BABAM2: variants seen among roughly 807,000 people sequenced by gnomAD.
The protein encoded by BABAM2 is BRISC and BRCA1-A complex member 2.
BABAM2 carries 31 observed loss-of-function variants against 54.7 expected under a neutral mutation model. The ratio of observed to expected loss-of-function variants is 0.57; its 90% confidence interval spans 0.43 to 0.77. The LOEUF is 0.77. Ranked by LOEUF, BABAM2 falls within the 30% of genes least tolerant of loss-of-function variation. The pLI, the probability that BABAM2 is intolerant of heterozygous loss-of-function variation, is 0.00. For synonymous variants in BABAM2, 167 were observed against 162.9 expected (o/e 1.03, Z -0.19); for missense variants, 364 against 455.8 (o/e 0.80, Z 1.83).
chr2:28,043,557 C>T (rs111895996), intron 5 of BABAM2, among the ~76,000 whole-genome samples: 330 of 152,248 alleles, frequency 2.2e-3, no homozygotes, highest in Non-Finnish European at 3.8e-3. Flanking sequence ...TTTATAAGCT[C>T]CCATTTAACT....
intron 3 of BABAM2, among the ~76,000 whole-genome samples, chr2:27,943,779 C>G (rs1669098211): frequency 6.6e-6 from 1 of 152,102 alleles, no homozygotes; most frequent in African/African-American, 2.4e-5. Context: ...TTGTTATTAT[C>G]TAGCATTTAA....
chr2:28,044,262 T>G (rs1439418545), intron 5 of BABAM2, among the ~76,000 whole-genome samples: 2 of 152,212 alleles, frequency 1.3e-5, no homozygotes, highest in Non-Finnish European at 2.9e-5. Context: ...GGAGTTTCGC[T>G]CTTGTTGCCG....
At chr2:28,123,469 C>CT (rs111882957) in intron 6 of BABAM2, among the ~76,000 whole-genome samples, 34,102 of 152,002 alleles carry the variant, frequency 0.22, 4,513 homozygotes, top group Middle Eastern at 0.33. Flanking sequence ...AAAATGTATA[C>CT]TTGTACGTTT....
intron 6 of BABAM2, among the ~76,000 whole-genome samples, chr2:28,074,891 T>C (rs1369809885): frequency 2.0e-5 from 3 of 152,214 alleles, no homozygotes; most frequent in Non-Finnish European, 2.9e-5. Context: ...ATTTGTACTT[T>C]TAGTGTACAT....
chr2:28,112,174 C>CTTCCTTCCTT (rs1558347046), intron 6 of BABAM2, among the ~76,000 whole-genome samples: 9 of 54,340 alleles, frequency 1.7e-4, no homozygotes, highest in Admixed American at 3.9e-4. Flanking sequence ...TCCCTCCCTC[C>CTTCCTTCCTT]CTCCCTCCCT....
chr2:28,284,946 G>C (rs754910762), intron 10 of BABAM2, among the ~76,000 whole-genome samples: 1 of 152,122 alleles, frequency 6.6e-6, no homozygotes, highest in Admixed American at 6.5e-5. Flanking sequence ...CCATCCAGGA[G>C]CCTTGCAAGG....
intron 3 of BABAM2, among the ~76,000 whole-genome samples, chr2:27,955,859 A>G (rs561507863): frequency 6.6e-6 from 1 of 152,362 alleles, no homozygotes; most frequent in South Asian, 2.1e-4. Context: ...ATGTTAAAAT[A>G]AAAGTATCGT....
intron 11 of BABAM2, among the ~76,000 whole-genome samples, chr2:28,312,909 G>A (rs1689199628): frequency 6.6e-6 from 1 of 152,122 alleles, no homozygotes; most frequent in African/African-American, 2.4e-5. Flanking sequence ...AAGAATTTGT[G>A]CAAGGCATAC....
At chr2:27,926,111 A>G (rs1300439074) in intron 2 of BABAM2, among the ~76,000 whole-genome samples, 1 of 144,984 alleles carries the variant, frequency 6.9e-6, no homozygotes, top group African/African-American at 2.6e-5. Flanking sequence ...TTTTTTCTGT[A>G]CAGTAGGCAA....
chr2:28,268,151 A>G (rs552472440), intron 10 of BABAM2, among the ~76,000 whole-genome samples: 6 of 152,362 alleles, frequency 3.9e-5, no homozygotes, highest in Non-Finnish European at 7.3e-5. Flanking sequence ...GGATATAGAA[A>G]TCTGCATTAA....
At chr2:27,951,845 C>T (rs1669751252) in intron 3 of BABAM2, among the ~76,000 whole-genome samples, 1 of 152,070 alleles carries the variant, frequency 6.6e-6, no homozygotes, top group South Asian at 2.1e-4. Flanking sequence ...GTCTTTTATC[C>T]CTCGCCCTAT....
At chr2:28,064,600 C>G (rs1278263030) in intron 6 of BABAM2, among the ~76,000 whole-genome samples, 1 of 152,142 alleles carries the variant, frequency 6.6e-6, no homozygotes, top group Non-Finnish European at 1.5e-5. Context: ...TCAATTGATA[C>G]TTGATTCATT....
chr2:28,036,050 C>T (rs1251140047), intron 5 of BABAM2, among the ~76,000 whole-genome samples: 1 of 152,166 alleles, frequency 6.6e-6, no homozygotes, highest in African/African-American at 2.4e-5. Context: ...TCTAATTGCG[C>T]CCCCTTACTT....
intron 6 of BABAM2, among the ~76,000 whole-genome samples, chr2:28,080,385 C>T (rs142796006): frequency 1.3e-3 from 191 of 152,174 alleles, no homozygotes; most frequent in Middle Eastern, 3.4e-3. Context: ...TGTATGTAAT[C>T]AGAGCATTGA....
At chr2:28,288,329 CTTT>C (rs370784439) in intron 10 of BABAM2, among the ~76,000 whole-genome samples, 5 of 134,206 alleles carry the variant, frequency 3.7e-5, no homozygotes, top group Non-Finnish European at 3.2e-5. Context: ...CTTTTCTTTT[CTTT>C]TTTTTTTTTT....
chr2:27,930,016 T>C, intron 3 of BABAM2, 108 bp downstream of exon 3: 5 of 990,770 alleles, frequency 5.0e-6, no homozygotes, highest in Non-Finnish European at 6.1e-6. Context: ...TCCTAAGATA[T>C]TGTTCACTAG....
intron 11 of BABAM2, chr2:28,310,231 A>G (rs1320107856): frequency 1.4e-6 from 2 of 1,433,274 alleles, no homozygotes; most frequent in African/African-American, 1.4e-5. Flanking sequence ...AAGCCTGGCC[A>G]TCAATTACTG....
intron 4 of BABAM2, among the ~76,000 whole-genome samples, chr2:28,024,565 G>A (rs1283973068): frequency 6.6e-6 from 1 of 152,174 alleles, no homozygotes; most frequent in East Asian, 1.9e-4. Flanking sequence ...AAAATCCTGA[G>A]TGTGATTGAG....
chr2:28,245,756 TAC>T (rs1278482231), intron 10 of BABAM2, among the ~76,000 whole-genome samples: 4 of 152,202 alleles, frequency 2.6e-5, no homozygotes, highest in African/African-American at 9.6e-5. Flanking sequence ...TTTTAGAACT[TAC>T]CCTATGCCTT....
Sources: allele counts gnomAD v4.1 joint callset (sites outside exome capture counted in the v4.1 genomes callset), GRCh38; gene constraint gnomAD v4.1.1; transcripts MANE v1.5; gene names NCBI Gene and HGNC (gene_info 2026-07-23, HGNC 2026-07-21).